The following AUTS2 variants were observed in gnomAD, a reference collection of about 807,000 sequenced individuals.
The protein encoded by AUTS2 is autism susceptibility gene 2 protein.
A neutral mutation model predicts 112.4 loss-of-function variants in AUTS2; 17 were observed. The ratio of observed to expected loss-of-function variants is 0.15; its 90% CI spans 0.10 to 0.23. The LOEUF is 0.23. Among genes scored for constraint, AUTS2 ranks in the 10% least tolerant of loss-of-function variants. The pLI is 1.00. For missense variants in AUTS2, 1,510 were observed against 1,701.6 expected, an observed-to-expected ratio of 0.89 and a Z score of 1.98; for synonymous variants, 751 against 702.7, an observed-to-expected ratio of 1.07 and a Z score of -1.09.
intron 1 of AUTS2, among the ~76,000 whole-genome samples, chr7:69,719,290 C>CT (rs146163102): frequency 4.9e-4 from 75 of 152,270 alleles, no homozygotes; most frequent in African/African-American, 1.7e-3. Flanking sequence ...AAGTATCAGA[C>CT]TTAAAAATCT....
At chr7:70,528,445 G>A (rs1158419340) in intron 5 of AUTS2, among the ~76,000 whole-genome samples, 2 of 152,122 alleles carry the variant, frequency 1.3e-5, no homozygotes, top group African/African-American at 2.4e-5. Flanking sequence ...AATACTCAAA[G>A]TGTTTATACT....
At chr7:70,712,717 C>G (rs544719641) in intron 6 of AUTS2, among the ~76,000 whole-genome samples, 1 of 152,292 alleles carries the variant, frequency 6.6e-6, no homozygotes, top group South Asian at 2.1e-4. Flanking sequence ...AATGCTCAGA[C>G]GATCCACAGA....
At chr7:69,980,963 A>T (rs961946185) in intron 2 of AUTS2, among the ~76,000 whole-genome samples, 2 of 152,226 alleles carry the variant, frequency 1.3e-5, no homozygotes, top group Non-Finnish European at 2.9e-5. Context: ...TGGTATAACA[A>T]CTTACACATA....
chr7:69,640,862 G>GC (rs1353821518), intron 1 of AUTS2, among the ~76,000 whole-genome samples: 1 of 152,188 alleles, frequency 6.6e-6, no homozygotes, highest in East Asian at 1.9e-4. Flanking sequence ...ACACAATGGA[G>GC]CATATACATT....
intron 2 of AUTS2, among the ~76,000 whole-genome samples, chr7:70,078,755 A>C (rs1458860835): frequency 6.6e-6 from 1 of 152,184 alleles, no homozygotes; most frequent in East Asian, 1.9e-4. Flanking sequence ...TGGTGGAGAA[A>C]GTAGAGAATG....
chr7:70,784,871 A>G (rs1261076204), intron 15 of AUTS2, 71 bp from the exon 16 acceptor site: 2 of 1,421,488 alleles, frequency 1.4e-6, no homozygotes, highest in African/African-American at 2.8e-5. Context: ...GCCCTTAAGC[A>G]AGTAGAAGCC....
chr7:70,206,321 A>C (rs1271219019), intron 4 of AUTS2, among the ~76,000 whole-genome samples: 1 of 152,126 alleles, frequency 6.6e-6, no homozygotes, highest in Non-Finnish European at 1.5e-5. Context: ...GGAAGGAGAT[A>C]CTAGAGATAC....
chr7:69,847,456 A>T (rs1036903844), intron 1 of AUTS2, among the ~76,000 whole-genome samples: 3 of 152,220 alleles, frequency 2.0e-5, no homozygotes, highest in Admixed American at 1.3e-4. Flanking sequence ...TTCAGAGTGT[A>T]ACATCTACTT....
chr7:69,824,122 A>G (rs1231631533), intron 1 of AUTS2, among the ~76,000 whole-genome samples: 8 of 152,002 alleles, frequency 5.3e-5, no homozygotes, highest in Non-Finnish European at 8.8e-5. Context: ...GCTATTAATA[A>G]GTGTGATACG....
intron 4 of AUTS2, chr7:70,292,458 A>C (rs1320436718): frequency 6.6e-6 from 1 of 152,422 alleles, no homozygotes; most frequent in African/African-American, 2.4e-5. Flanking sequence ...AAAATGTTTT[A>C]GGAAGCACAC....
intron 4 of AUTS2, among the ~76,000 whole-genome samples, chr7:70,203,988 A>G (rs1359642548): frequency 1.3e-5 from 2 of 150,872 alleles, no homozygotes; most frequent in African/African-American, 4.9e-5. Flanking sequence ...AAGACACTGT[A>G]TAAATGTTAG....
rs113014556 is a variant in AUTS2, at chr7:70,668,023, T to C, written c.691-30546T>C. The stretch of plus-strand genomic sequence containing the variant: ...TCTGCATTTCTTTTTTCACCTAGGC[T>C]GGATGGAGTGCAGTGGCACAATCTC... On this transcript the variant is annotated intron_variant, in intron 5 of 18. Coordinates refer to ENST00000342771, the MANE Select transcript of AUTS2 (RefSeq NM_015570.4). Among the ~76,000 whole-genome samples, 537 of 152,346 alleles carry C rather than the reference T, an allele frequency of 3.5e-3. 1 individual carries two copies. The highest frequency in any genetic ancestry group is 0.013 in the African/African-American group (522 of 41,572).
chr7:70,551,454 C>G (rs1445973753), intron 5 of AUTS2, among the ~76,000 whole-genome samples: 1 of 152,186 alleles, frequency 6.6e-6, no homozygotes, highest in Non-Finnish European at 1.5e-5. Flanking sequence ...CTGTAGTCTT[C>G]CTCCCAAAAA....
At chr7:70,735,816 C>T (rs946720850) in intron 6 of AUTS2, among the ~76,000 whole-genome samples, 1 of 152,118 alleles carries the variant, frequency 6.6e-6, no homozygotes, top group Non-Finnish European at 1.5e-5. Flanking sequence ...TTTATGTGAC[C>T]TAGATGAACG....
intron 4 of AUTS2, among the ~76,000 whole-genome samples, chr7:70,296,888 C>T (rs1046966676): frequency 6.8e-6 from 1 of 146,486 alleles, no homozygotes; most frequent in Non-Finnish European, 1.5e-5. Flanking sequence ...GTCACCCAGG[C>T]TGGAGTTCAG....
chr7:70,291,086 C>T (rs1033396355), intron 4 of AUTS2: 43 of 152,246 alleles, frequency 2.8e-4, no homozygotes, highest in Admixed American at 2.2e-3. Flanking sequence ...TAATATCAAG[C>T]ATTTCTTTTT....
chr7:70,195,658 A>C (rs1032871031), intron 4 of AUTS2, among the ~76,000 whole-genome samples: 13 of 152,224 alleles, frequency 8.5e-5, no homozygotes, highest in Non-Finnish European at 1.3e-4. Flanking sequence ...CTCAAAGAAC[A>C]AAACAAAACC....
chr7:70,729,944 G>A (rs1348393356), intron 6 of AUTS2, among the ~76,000 whole-genome samples: 3 of 152,046 alleles, frequency 2.0e-5, no homozygotes, highest in East Asian at 1.9e-4. Flanking sequence ...GTGCAATGGC[G>A]CAATCTCGGC....
chr7:70,727,034 C>T (rs1487611457), intron 6 of AUTS2, among the ~76,000 whole-genome samples: 1 of 152,168 alleles, frequency 6.6e-6, no homozygotes, highest in Non-Finnish European at 1.5e-5. Context: ...TCACCCTCCT[C>T]GTCAGTTAGC....
Sources: allele counts gnomAD v4.1 joint callset (sites outside exome capture counted in the v4.1 genomes callset), GRCh38; gene constraint gnomAD v4.1.1; transcripts MANE v1.5; gene names NCBI Gene and HGNC (gene_info 2026-07-23, HGNC 2026-07-21).